Variants in CFAP47 observed in about 807,000 individuals in gnomAD.
CFAP47 encodes cilia and flagella associated protein 47.
In CFAP47, 29 loss-of-function variants were observed where a neutral mutation model predicts 148.1. That is an observed-to-expected ratio of 0.20 (90% confidence interval 0.15 to 0.27). CFAP47 has a LOEUF of 0.27. Ranked by LOEUF, CFAP47 falls within the 10% of genes least tolerant of loss-of-function variation. The pLI is 1.00. For synonymous variants in CFAP47, 664 were observed against 577.3 expected (o/e 1.15, Z -2.15); for missense variants, 1,872 against 1,697.5 (o/e 1.10, Z -1.81).
intron 49 of CFAP47, among the ~76,000 whole-genome samples, chrX:36,269,870 T>G (rs1323109556): frequency 8.9e-6 from 1 of 111,965 alleles, no homozygotes; most frequent in Admixed American, 9.5e-5. Context: ...TCAATCAGTT[T>G]ATATGCATTT....
At chrX:36,110,592 A>C (rs112522678) in intron 33 of CFAP47, among the ~76,000 whole-genome samples, 2,919 of 111,367 alleles carry the variant, frequency 0.026, 97 homozygotes, top group African/African-American at 0.091. Flanking sequence ...GCAATTTGGG[A>C]TCTTTTTTGG....
At position 35,950,434 on chromosome X, in the gene CFAP47, C is replaced by T. The variant is rs145569433; in HGVS notation, c.657-697C>T. Among the ~76,000 whole-genome samples the T allele has an allele frequency of 6.0e-3, 670 of 111,783 alleles. 8 individuals carry two copies. Among genetic ancestry groups the T allele is most frequent in the African/African-American group, 0.02 (628 of 30,743 alleles). On this transcript the variant is annotated intron_variant, in intron 4 of 63. Coordinates refer to ENST00000378653, the MANE Select transcript of CFAP47 (RefSeq NM_001304548.2). ...TGACTGGAATGCAGTGGTGCAATCACGGCTTACTGCAGCCATGACCTCCCA... is the reference window on the plus strand; with the variant it reads ...TGACTGGAATGCAGTGGTGCAATCATGGCTTACTGCAGCCATGACCTCCCA...
At chrX:36,278,990 G>A (rs1941048551) in intron 49 of CFAP47, among the ~76,000 whole-genome samples, 1 of 111,437 alleles carries the variant, frequency 9.0e-6, no homozygotes, top group Non-Finnish European at 1.9e-5. Context: ...TGAAACATCT[G>A]TATTGCCTGT....
At chrX:36,162,981 A>G (rs1602020381) in intron 39 of CFAP47, among the ~76,000 whole-genome samples, 1 of 112,147 alleles carries the variant, frequency 8.9e-6, no homozygotes, top group South Asian at 3.6e-4. Flanking sequence ...AAGGATTGGT[A>G]TTAGTTATTT....
At chrX:36,244,111 T>C (rs782140783) in intron 48 of CFAP47, among the ~76,000 whole-genome samples, 1 of 110,463 alleles carries the variant, frequency 9.1e-6, no homozygotes, top group Non-Finnish European at 1.9e-5. Flanking sequence ...TACATGAAAA[T>C]TAAATAACTT....
intron 37 of CFAP47, among the ~76,000 whole-genome samples, chrX:36,150,490 G>A (rs1939295198): frequency 8.9e-6 from 1 of 112,080 alleles, no homozygotes; most frequent in Non-Finnish European, 1.9e-5. Context: ...TTTCTCCAAT[G>A]AAATGTGATA....
At chrX:35,956,699 A>G (rs1936251294) in intron 8 of CFAP47, among the ~76,000 whole-genome samples, 1 of 111,663 alleles carries the variant, frequency 9.0e-6, no homozygotes, top group Non-Finnish European at 1.9e-5. Context: ...AGAGAATGCC[A>G]AGGCATACCT....
chrX:35,929,293 A>G (rs1482341346), intron 2 of CFAP47, among the ~76,000 whole-genome samples: 1 of 111,830 alleles, frequency 8.9e-6, no homozygotes, highest in East Asian at 2.8e-4. Flanking sequence ...TGAATGTGCT[A>G]TGTCTTTCCA....
chrX:35,970,162 C>A (rs1936468484), intron 10 of CFAP47, among the ~76,000 whole-genome samples: 1 of 103,979 alleles, frequency 9.6e-6, no homozygotes, highest in African/African-American at 3.6e-5. Flanking sequence ...GGTGTGAATA[C>A]TTGCACATTT....
At chrX:35,978,464 T>A (rs1219291789) in intron 15 of CFAP47, among the ~76,000 whole-genome samples, 4 of 112,071 alleles carry the variant, frequency 3.6e-5, no homozygotes, top group Non-Finnish European at 7.5e-5. Context: ...CATTTAATTT[T>A]ATTTTCTTTG....
intron 33 of CFAP47, among the ~76,000 whole-genome samples, chrX:36,121,597 C>T (rs1350147751): frequency 9.0e-6 from 1 of 111,438 alleles, no homozygotes; most frequent in Non-Finnish European, 1.9e-5. Flanking sequence ...CATTATTTAA[C>T]TTGATAACAA....
chrX:36,147,534 A>G (rs765724771), intron 36 of CFAP47, among the ~76,000 whole-genome samples: 29 of 112,801 alleles, frequency 2.6e-4, no homozygotes, highest in African/African-American at 9.0e-4. Context: ...GTTAATGAAT[A>G]TTTGAAATGC....
intron 29 of CFAP47, among the ~76,000 whole-genome samples, chrX:36,077,708 C>T (rs920267919): frequency 9.0e-6 from 1 of 111,336 alleles, no homozygotes; most frequent in African/African-American, 3.3e-5. Context: ...GTTTATAATG[C>T]TAAACACCTA....
intron 63 of CFAP47, among the ~76,000 whole-genome samples, chrX:36,384,572 T>C (rs1556024785): frequency 8.9e-6 from 1 of 111,854 alleles, no homozygotes; most frequent in Non-Finnish European, 1.9e-5. Flanking sequence ...ATGCGTAGTT[T>C]ACAGGGAGAA....
intron 26 of CFAP47, 65 bp from the exon 27 acceptor site, chrX:36,065,578 A>G: frequency 1.6e-6 from 1 of 611,194 alleles, no homozygotes; most frequent in Non-Finnish European, 2.7e-6. Flanking sequence ...TGGGATACTT[A>G]AATGCATGGC....
chrX:36,035,711 A>C lies in CFAP47; in HGVS notation c.3668A>C (p.Asn1223Thr), dbSNP rs1937330154. The C allele has an allele frequency of 6.8e-6, 2 of 295,745 alleles. No homozygotes were observed. The highest frequency in any genetic ancestry group is 1.2e-5 in the Non-Finnish European group (2 of 169,216). 24.4% of individuals were successfully genotyped at this position (295,745 alleles called of 1,213,427 possible). A position where few individuals can be genotyped will look rare whatever the true frequency, so the allele number is the denominator to read the frequency against. ...VTKTQNLVLY[N>T]ITKHHVTWTL... Reference sequence around the variant, plus strand: ...TGTGAGCAGAATCTTGTTTTATATAATATTACCAAACACCATGTGACATGG... The same window carrying C: ...TGTGAGCAGAATCTTGTTTTATATACTATTACCAAACACCATGTGACATGG... The change falls in exon 24 of 64, where the codon AAT (asparagine) becomes ACT (threonine). Residue 1223 changes from asparagine to threonine, a missense_variant. Coordinates refer to ENST00000378653, the MANE Select transcript of CFAP47 (RefSeq NM_001304548.2).
chrX:36,113,768 T>G lies in CFAP47; in HGVS notation c.5320+9077T>G, dbSNP rs781152986. 4.5e-5 allele frequency among the ~76,000 whole-genome samples: 5 copies of G among 111,123 alleles called. No homozygotes were observed. The South Asian group carries it at 1.9e-3, about 43-fold the overall frequency. On this transcript the variant is annotated intron_variant, in intron 33 of 63. Coordinates refer to ENST00000378653, the MANE Select transcript of CFAP47 (RefSeq NM_001304548.2). ...TCTTTTTATATAATCCCATATTTCT[T>G]GGATGTTTTGTTCCTTCCTTTAAAT...
At chrX:36,009,657 G>T (rs937384209) in intron 21 of CFAP47, among the ~76,000 whole-genome samples, 2 of 112,083 alleles carry the variant, frequency 1.8e-5, no homozygotes, top group African/African-American at 3.2e-5. Flanking sequence ...TATAAGAATG[G>T]ACTGTACATA....
At chrX:36,081,302 A>T (rs1265407743) in intron 29 of CFAP47, among the ~76,000 whole-genome samples, 1 of 111,571 alleles carries the variant, frequency 9.0e-6, no homozygotes, top group East Asian at 2.8e-4. Flanking sequence ...ATCAGGAAGA[A>T]ATTGAATCCC....
Sources: gnomAD v4.1 joint callset for allele counts (sites outside exome capture counted in the v4.1 genomes callset) on GRCh38, gnomAD v4.1.1 for gene constraint, MANE v1.5 for transcripts, NCBI Gene and HGNC (gene_info 2026-07-23, HGNC 2026-07-21) for gene names.